The following IKZF3 variants were observed in gnomAD, a reference collection of about 807,000 sequenced individuals.
IKZF3 encodes zinc finger protein Aiolos.
IKZF3 carries 10 observed loss-of-function variants against 49.0 expected under a neutral mutation model. That is an observed-to-expected ratio of 0.20 (90% confidence interval 0.13 to 0.35). The LOEUF is 0.35. IKZF3 is among the 10% of genes least tolerant of loss of function. The probability of loss-of-function intolerance (pLI) is 1.00; values close to 1 mark genes in which losing one functional copy is unlikely to be tolerated. For synonymous variants in IKZF3, 209 were observed against 228.2 expected (o/e 0.92, Z 0.76); for missense variants, 498 against 664.8 (o/e 0.75, Z 2.76).
intron 3 of IKZF3, among the ~76,000 whole-genome samples, chr17:39,813,169 C>T (rs936213823): frequency 2.0e-5 from 3 of 151,578 alleles, no homozygotes; most frequent in African/African-American, 7.3e-5. Flanking sequence ...AGAAAACTCT[C>T]CAGAGGATCC....
chr17:39,845,971 C>T (rs2062620504), intron 1 of IKZF3, among the ~76,000 whole-genome samples: 1 of 152,058 alleles, frequency 6.6e-6, no homozygotes, highest in Non-Finnish European at 1.5e-5. Flanking sequence ...CAAATATATA[C>T]TTAGCATCAT....
At chr17:39,829,324 C>T (rs1015234951) in intron 3 of IKZF3, 63 bp downstream of exon 3, 1 of 1,139,926 alleles carries the variant, frequency 8.8e-7, no homozygotes, top group African/African-American at 1.5e-5. Flanking sequence ...CTGATTTCTT[C>T]TCTACACTAA....
chr17:39,843,308 T>C (rs540230933), intron 1 of IKZF3, among the ~76,000 whole-genome samples: 1 of 152,328 alleles, frequency 6.6e-6, no homozygotes, highest in East Asian at 1.9e-4. Flanking sequence ...GTCAGCAACT[T>C]ACTTTAAAAA....
At chr17:39,784,906 C>A (rs1372435407) in intron 6 of IKZF3, among the ~76,000 whole-genome samples, 1 of 152,194 alleles carries the variant, frequency 6.6e-6, no homozygotes, top group Admixed American at 6.5e-5. Context: ...CATCTGCTTG[C>A]TTCTAGAAAG....
intron 3 of IKZF3, 101 bp from the exon 4 acceptor site, chr17:39,793,034 G>C (rs1327127695): frequency 1.7e-6 from 2 of 1,177,812 alleles, no homozygotes; most frequent in Non-Finnish European, 2.4e-6. Flanking sequence ...AATACCAATC[G>C]AAGCTAACAA....
chr17:39,819,371 AC>A (rs1246103132), intron 3 of IKZF3, among the ~76,000 whole-genome samples: 1 of 152,198 alleles, frequency 6.6e-6, no homozygotes, highest in East Asian at 1.9e-4. Context: ...CAGAAAAAAA[AC>A]AAGCCACAGG....
intron 1 of IKZF3, among the ~76,000 whole-genome samples, chr17:39,840,788 T>A (rs927156513): frequency 1.3e-5 from 2 of 152,164 alleles, no homozygotes; most frequent in African/African-American, 4.8e-5. Context: ...GAGAAAAATG[T>A]CCATGCAATG....
At chr17:39,816,827 C>T (rs1258340781) in intron 3 of IKZF3, among the ~76,000 whole-genome samples, 1 of 152,234 alleles carries the variant, frequency 6.6e-6, no homozygotes, top group Non-Finnish European at 1.5e-5. Context: ...GATTCTCCCA[C>T]CTCAGCCTCC....
intron 7 of IKZF3, among the ~76,000 whole-genome samples, chr17:39,768,608 T>C (rs1333500670): frequency 1.3e-5 from 2 of 152,200 alleles, no homozygotes; most frequent in Non-Finnish European, 2.9e-5. Flanking sequence ...ACTTAACCTA[T>C]GTTCCGTGTC....
intron 3 of IKZF3, among the ~76,000 whole-genome samples, chr17:39,819,934 G>A (rs2061764635): frequency 6.6e-6 from 1 of 152,130 alleles, no homozygotes; most frequent in Non-Finnish European, 1.5e-5. Flanking sequence ...GCCTCTCAAA[G>A]TATTGGGATT....
intron 6 of IKZF3, among the ~76,000 whole-genome samples, chr17:39,786,058 G>A (rs900007630): frequency 3.3e-5 from 5 of 152,172 alleles, no homozygotes; most frequent in African/African-American, 7.2e-5. Flanking sequence ...TAGAGGAAGG[G>A]GGAATAGGGA....
chr17:39,779,512 C>G (rs992483071), intron 6 of IKZF3, among the ~76,000 whole-genome samples: 1 of 152,124 alleles, frequency 6.6e-6, no homozygotes, highest in African/African-American at 2.4e-5. Flanking sequence ...ACCAGCTTCT[C>G]TAAATACAAG....
intron 1 of IKZF3, chr17:39,835,179 T>C (rs1041013657): frequency 2.0e-6 from 1 of 502,836 alleles, no homozygotes. Context: ...GGTCTTCATA[T>C]GGATACTCAT....
intron 1 of IKZF3, among the ~76,000 whole-genome samples, chr17:39,843,131 A>G (rs972481622): frequency 5.9e-5 from 9 of 152,208 alleles, no homozygotes; most frequent in Admixed American, 3.3e-4. Context: ...GCAATGTGTG[A>G]TCCTGAACCG....
chr17:39,807,161 T>C (rs1172018329), intron 3 of IKZF3, among the ~76,000 whole-genome samples: 1 of 151,668 alleles, frequency 6.6e-6, no homozygotes, highest in Non-Finnish European at 1.5e-5. Context: ...GTTGCTAGGG[T>C]TTGGGGTCAT....
intron 1 of IKZF3, chr17:39,835,367 G>A (rs2062242515): frequency 1.4e-5 from 7 of 492,326 alleles, no homozygotes; most frequent in Non-Finnish European, 2.4e-5. Flanking sequence ...CCCTGGCATT[G>A]GCATCCTTAA....
chr17:39,835,563 A>C (rs2062249370), intron 1 of IKZF3: 1 of 436,802 alleles, frequency 2.3e-6, no homozygotes, highest in East Asian at 5.6e-5. Flanking sequence ...GATCTGGTGC[A>C]TGCTGTCAGC....
chr17:39,785,559 T>G (rs2060854024), intron 6 of IKZF3, among the ~76,000 whole-genome samples: 1 of 152,158 alleles, frequency 6.6e-6, no homozygotes, highest in African/African-American at 2.4e-5. Flanking sequence ...TAAAAAAGGT[T>G]GTGAGAATGG....
At chr17:39,799,136 A>G (rs1179364365) in intron 3 of IKZF3, among the ~76,000 whole-genome samples, 1 of 152,076 alleles carries the variant, frequency 6.6e-6, no homozygotes, top group African/African-American at 2.4e-5. Flanking sequence ...CTGGGGGTGG[A>G]GACTGGAAAT....
Sources: gnomAD v4.1 joint callset for allele counts (sites outside exome capture counted in the v4.1 genomes callset) on GRCh38, gnomAD v4.1.1 for gene constraint, MANE v1.5 for transcripts, NCBI Gene and HGNC (gene_info 2026-07-23, HGNC 2026-07-21) for gene names.